Variants in NEDD4 observed in about 807,000 individuals in gnomAD.
NEDD4 encodes the protein NEDD4 E3 ubiquitin protein ligase, also known as E3 ubiquitin-protein ligase NEDD4.
In NEDD4, 99 loss-of-function variants were observed where a neutral mutation model predicts 144.9. The ratio of observed to expected loss-of-function variants is 0.68; its 90% CI spans 0.58 to 0.81. NEDD4 has a LOEUF of 0.81. NEDD4 is among the 30% of genes least tolerant of loss of function. The pLI, the probability that NEDD4 is intolerant of heterozygous loss-of-function variation, is 0.00. For missense variants in NEDD4, 985 were observed against 1,065.9 expected (o/e 0.92, Z 1.06); for synonymous variants, 318 against 350.6 (o/e 0.91, Z 1.04).
chr15:55,960,953 TGTAA>T (rs1289098637), intron 2 of NEDD4, among the ~76,000 whole-genome samples: 2 of 152,232 alleles, frequency 1.3e-5, no homozygotes, highest in African/African-American at 4.8e-5. Context: ...CTCTGGCATC[TGTAA>T]GTAATAAACT....
At chr15:55,850,431 G>T in intron 14 of NEDD4, 111 bp downstream of exon 14, 2 of 964,004 alleles carry the variant, frequency 2.1e-6, no homozygotes, top group South Asian at 1.6e-5. Context: ...ACCTTTCAAT[G>T]AATATTAGGA....
At chr15:55,991,953 C>G (rs1195735896) in intron 1 of NEDD4, 1 of 152,214 alleles carries the variant, frequency 6.6e-6, no homozygotes, top group African/African-American at 2.4e-5. Context: ...TTAAGATCAA[C>G]TGGCTCTGCT....
intron 8 of NEDD4, among the ~76,000 whole-genome samples, chr15:55,868,861 G>A (rs2034677329): frequency 6.6e-6 from 1 of 152,060 alleles, no homozygotes; most frequent in South Asian, 2.1e-4. Flanking sequence ...AACCCTCGAG[G>A]TCATCTGATG....
At chr15:55,870,299 A>G (rs2142059627) in intron 7 of NEDD4, among the ~76,000 whole-genome samples, 1 of 152,248 alleles carries the variant, frequency 6.6e-6, no homozygotes, top group African/African-American at 2.4e-5. Context: ...TGGATGACAG[A>G]AGAGTAGAGG....
intron 5 of NEDD4, among the ~76,000 whole-genome samples, chr15:55,910,858 G>T (rs1451495395): frequency 6.6e-6 from 1 of 152,104 alleles, no homozygotes; most frequent in African/African-American, 2.4e-5. Flanking sequence ...TATAATCCAT[G>T]AAACCATGAA....
At chr15:55,909,147 G>A (rs916079809) in intron 5 of NEDD4, among the ~76,000 whole-genome samples, 1 of 152,106 alleles carries the variant, frequency 6.6e-6, no homozygotes, top group Admixed American at 6.6e-5. Flanking sequence ...ACATCCTCGG[G>A]CCTAACTAGA....
At chr15:55,989,267 T>C (rs771601341) in intron 1 of NEDD4, among the ~76,000 whole-genome samples, 52 of 152,312 alleles carry the variant, frequency 3.4e-4, no homozygotes, top group South Asian at 2.1e-4. Context: ...AAATAAATTA[T>C]TTTAAAAATA....
Position 55,869,590 on chromosome 15 carries a change from C to T in NEDD4, c.496G>A (p.Glu166Lys), listed in dbSNP as rs779539984. The T allele has an allele frequency of 1.9e-6, 3 of 1,574,680 alleles. No homozygotes were observed. The highest frequency in any genetic ancestry group is 4.6e-5 in the East Asian group (2 of 43,544). ...GSEDDNAEQA[E>K]ELEPGWVVLD... Reference sequence around the variant, plus strand: ...TTATAAAATCTCACCTCTAATTCCTCAGCCTGTTCTGCATTATCATCTTCT... The same window carrying T: ...TTATAAAATCTCACCTCTAATTCCTTAGCCTGTTCTGCATTATCATCTTCT... The change falls in exon 8 of 29, where the codon GAG becomes AAG. Residue 166 changes from glutamate to lysine, a missense_variant. Coordinates refer to ENST00000435532, the MANE Select transcript of NEDD4 (RefSeq NM_006154.4).
At chr15:55,917,240 T>C in intron 5 of NEDD4, 1 of 815,968 alleles carries the variant, frequency 1.2e-6, no homozygotes, top group Admixed American at 5.3e-5. Flanking sequence ...GAAACAGTAT[T>C]TTTTCACCCC....
At chr15:55,852,282 T>G (rs2034012376) in intron 13 of NEDD4, 142 bp downstream of exon 13, 1 of 921,354 alleles carries the variant, frequency 1.1e-6, no homozygotes, top group African/African-American at 1.8e-5. Context: ...GCGACAATAC[T>G]GAGACTCCAT....
intron 1 of NEDD4, among the ~76,000 whole-genome samples, chr15:55,978,937 AAC>A (rs1332707813): frequency 1.3e-4 from 20 of 151,372 alleles, no homozygotes; most frequent in African/African-American, 4.4e-4. Flanking sequence ...AAAAAAAAAA[AAC>A]AAGAACAGAA....
rs376222979 is a variant in NEDD4 at position 55,863,099 on chromosome 15, C to T, written c.508-20G>A. ...GCCAGGCTGAAAAACAGGATGGCAG[C>T]AATTAAGTTTACGCATGATTTTTTT... On this transcript the variant is annotated intron_variant, in intron 8 of 28. Transcript: ENST00000435532. The T allele has an allele frequency of 3.6e-5, 55 of 1,533,618 alleles. No individual in the cohort carries two copies. The highest frequency in any genetic ancestry group is 4.9e-5 in the Non-Finnish European group (55 of 1,132,714).
At chr15:55,937,402 A>G (rs1235585552) in intron 4 of NEDD4, among the ~76,000 whole-genome samples, 1 of 152,200 alleles carries the variant, frequency 6.6e-6, no homozygotes, top group Non-Finnish European at 1.5e-5. Flanking sequence ...TGCACAGAAG[A>G]TATTTCACCG....
At chr15:55,918,047 T>C (rs905132476) in intron 5 of NEDD4, among the ~76,000 whole-genome samples, 1 of 152,170 alleles carries the variant, frequency 6.6e-6, no homozygotes, top group East Asian at 1.9e-4. Flanking sequence ...ACAATCCATT[T>C]AGCTGTTTGA....
intron 12 of NEDD4, among the ~76,000 whole-genome samples, chr15:55,855,383 G>C (rs528810952): frequency 1.3e-5 from 2 of 152,304 alleles, no homozygotes; most frequent in Admixed American, 1.3e-4. Context: ...CAGGACATGG[G>C]AACAGTCTGC....
At position 55,845,577 on chromosome 15, in the gene NEDD4, C is replaced by G. The variant is rs569274749; in HGVS notation, c.1608+1392G>C. Among the ~76,000 whole-genome samples, 267 of 152,024 alleles carry G rather than the reference C, an allele frequency of 1.8e-3. 1 individual carries two copies. Among genetic ancestry groups the G allele is most frequent in the Non-Finnish European group, 3.1e-3 (213 of 67,982 alleles). Reference sequence around the variant, plus strand: ...TAATGGCATTGTCTCCCATCTCCTGCTGCCTGGAAGACATTAATAATTAGA... The same window carrying G: ...TAATGGCATTGTCTCCCATCTCCTGGTGCCTGGAAGACATTAATAATTAGA... On this transcript the variant is annotated intron_variant, in intron 18 of 28. Transcript: ENST00000435532.
At chr15:55,860,285 C>A in intron 11 of NEDD4, 122 bp downstream of exon 11, 1 of 946,406 alleles carries the variant, frequency 1.1e-6, no homozygotes, top group East Asian at 2.5e-5. Context: ...CCCAAGGTCC[C>A]TAATGTATTA....
At chr15:55,845,847 G>A (rs571605266) in intron 18 of NEDD4, among the ~76,000 whole-genome samples, 15 of 148,580 alleles carry the variant, frequency 1.0e-4, no homozygotes, top group Middle Eastern at 3.5e-3. Context: ...GTGCAGTGGC[G>A]CGATCTTGGC....
At chr15:55,954,939 T>C (rs187055612) in intron 2 of NEDD4, among the ~76,000 whole-genome samples, 3 of 149,228 alleles carry the variant, frequency 2.0e-5, no homozygotes, top group Admixed American at 2.0e-4. Context: ...TTGTTTCTCT[T>C]GTGGTAAGAA....
Sources: allele counts gnomAD v4.1 joint callset (sites outside exome capture counted in the v4.1 genomes callset), GRCh38; gene constraint gnomAD v4.1.1; transcripts MANE v1.5; gene names NCBI Gene and HGNC (gene_info 2026-07-23, HGNC 2026-07-21).